Variants in PTPRN2 observed in about 807,000 individuals in gnomAD.
PTPRN2 encodes protein tyrosine phosphatase receptor type N2, also known as receptor-type tyrosine-protein phosphatase N2.
Under a neutral mutation model 118.8 loss-of-function variants are expected in PTPRN2, and 74 were observed. The observed-to-expected ratio is 0.62, with a 90% confidence interval of 0.52 to 0.76. The LOEUF is 0.76. Among genes scored for constraint, PTPRN2 ranks in the 30% least tolerant of loss-of-function variants. The probability of loss-of-function intolerance (pLI) is 0.00; values close to 1 mark genes in which losing one functional copy is unlikely to be tolerated. For synonymous variants in PTPRN2, 641 were observed against 608.0 expected (o/e 1.05, Z -0.80); for missense variants, 1,481 against 1,394.4 (o/e 1.06, Z -0.99).
chr7:158,470,257 G>T (rs1819757440), intron 2 of PTPRN2, among the ~76,000 whole-genome samples: 1 of 152,212 alleles, frequency 6.6e-6, no homozygotes, highest in Non-Finnish European at 1.5e-5. Flanking sequence ...CCGACCAATA[G>T]GATTTGACTG....
rs114695109 is a variant in PTPRN2, at chr7:158,275,321, G to A, written c.277+41498C>T. On this transcript the variant is annotated intron_variant, in intron 3 of 22. Transcript: ENST00000389418. ...CAGGGCTGTCTCCATGGGAAGGCGC[G>A]CACCTCCTCACGCCTCTCCAGGGAA... 6.4e-3 allele frequency among the ~76,000 whole-genome samples: 982 copies of A among 152,284 alleles called. 12 individuals carry two copies. The highest frequency in any genetic ancestry group is 0.022 in the African/African-American group (919 of 41,552).
Position 157,690,266 on chromosome 7 carries a change from C to T in PTPRN2, c.1789-7329G>A, listed in dbSNP as rs1797408463. ...ACCCTAGACCCACTTGGGGATGATC[C>T]CAGGCGCAGCTCTCCCCTGCCGGCC... On this transcript the variant is annotated intron_variant, in intron 12 of 22. Coordinates refer to ENST00000389418, the MANE Select transcript of PTPRN2 (RefSeq NM_002847.5). This position sits in a 1 kb window ranked among gnomAD's most constrained non-coding sequence, Gnocchi z 7.1. Among the ~76,000 whole-genome samples, 1 of 152,196 alleles carries T rather than the reference C, an allele frequency of 6.6e-6. No homozygotes were observed. The highest frequency in any genetic ancestry group is 1.5e-5 in the Non-Finnish European group (1 of 68,020).
intron 2 of PTPRN2, among the ~76,000 whole-genome samples, chr7:158,362,440 A>G (rs1158230852): frequency 2.6e-5 from 4 of 152,236 alleles, no homozygotes; most frequent in Admixed American, 6.5e-5. Context: ...TGGCCTAATT[A>G]AGGCAATGTG....
chr7:157,556,549 C>T (rs549252619), intron 21 of PTPRN2, among the ~76,000 whole-genome samples: 2 of 150,960 alleles, frequency 1.3e-5, no homozygotes, highest in South Asian at 2.1e-4. Flanking sequence ...TCCACCCTCA[C>T]GTCATACATA....
At position 158,555,617 on chromosome 7, in the gene PTPRN2, C is replaced by CCT. The variant is rs1826925002; in HGVS notation, c.112+31940_112+31941insAG. Among the ~76,000 whole-genome samples the CCT allele has an allele frequency of 6.6e-6, 1 of 152,222 alleles. No homozygotes were observed. The highest frequency in any genetic ancestry group is 2.1e-4 in the South Asian group (1 of 4,822). ...TCCAGCTGTCCCCCAGACCCAGCCT[C>CCT]CCTCAGCTCCCATGGCAGGGTTAGG... On this transcript the variant is annotated intron_variant, in intron 1 of 22. Coordinates refer to ENST00000389418, the MANE Select transcript of PTPRN2 (RefSeq NM_002847.5). This position sits in a 1 kb window ranked among gnomAD's most constrained non-coding sequence, Gnocchi z 4.7.
Position 157,929,499 on chromosome 7 carries a change from C to T in PTPRN2, c.1724-30762G>A, listed in dbSNP as rs892726. 0.31 allele frequency among the ~76,000 whole-genome samples: 47,154 copies of T among 152,020 alleles called. 9,043 individuals carry two copies. Among genetic ancestry groups the T allele is most frequent in the African/African-American group, 0.52 (21,538 of 41,456 alleles). ...TCAGACGCCCACCCAGCACAGCCTC[C>T]GCCGCAGCCTGGCAGCCCAACAGAG... On this transcript the variant is annotated intron_variant, in intron 11 of 22. Coordinates refer to ENST00000389418, the MANE Select transcript of PTPRN2 (RefSeq NM_002847.5). The surrounding 1 kb of genome is among the most constrained non-coding windows in gnomAD (Gnocchi z 4.4).
At chr7:157,949,439 AGAACAT>A (rs1800680292) in intron 11 of PTPRN2, among the ~76,000 whole-genome samples, 1 of 152,222 alleles carries the variant, frequency 6.6e-6, no homozygotes, top group African/African-American at 2.4e-5. Context: ...AAAATTGTTG[AGAACAT>A]GGACAGGAGT....
At chr7:158,043,827 C>G (rs10226785) in intron 11 of PTPRN2, among the ~76,000 whole-genome samples, 1 of 152,032 alleles carries the variant, frequency 6.6e-6, no homozygotes, top group African/African-American at 2.4e-5. Context: ...CACAGTGTGG[C>G]GAGAGGGGAG....
intron 2 of PTPRN2, among the ~76,000 whole-genome samples, chr7:158,450,440 C>T (rs1818020678): frequency 6.6e-6 from 1 of 152,194 alleles, no homozygotes. Flanking sequence ...TAGAGAAATG[C>T]GCACAAAAAC....
chr7:158,055,518 G>C (rs138354072), intron 11 of PTPRN2, among the ~76,000 whole-genome samples: 203 of 152,326 alleles, frequency 1.3e-3, no homozygotes, highest in African/African-American at 4.7e-3. Flanking sequence ...CCGTCTCCCT[G>C]TGATGCTGTG....
chr7:157,905,355 C>T (rs929563319), intron 11 of PTPRN2, among the ~76,000 whole-genome samples: 15 of 152,208 alleles, frequency 9.9e-5, no homozygotes, highest in African/African-American at 3.1e-4. Flanking sequence ...AAGCTCTGGG[C>T]CTCCCAAGTC....
intron 10 of PTPRN2, among the ~76,000 whole-genome samples, chr7:158,098,631 G>A (rs1027727605): frequency 1.3e-5 from 2 of 152,186 alleles, no homozygotes; most frequent in Non-Finnish European, 2.9e-5. Context: ...TCCCTCGCCC[G>A]CCCCGGCCTG....
chr7:157,989,170 C>T (rs1804048137), intron 11 of PTPRN2, among the ~76,000 whole-genome samples: 1 of 152,222 alleles, frequency 6.6e-6, no homozygotes, highest in Admixed American at 6.5e-5. Context: ...GTAATCCCAG[C>T]ACTTTGGGAG....
intron 1 of PTPRN2, among the ~76,000 whole-genome samples, chr7:158,522,849 C>T (rs1038705783): frequency 2.0e-5 from 3 of 152,180 alleles, no homozygotes; most frequent in African/African-American, 7.2e-5. Context: ...GTCTTCATTT[C>T]CACACACTTG....
chr7:158,279,556 G>A (rs1245567736), intron 3 of PTPRN2, among the ~76,000 whole-genome samples: 3 of 152,232 alleles, frequency 2.0e-5, no homozygotes, highest in Non-Finnish European at 4.4e-5. Flanking sequence ...ACCCAGGGAA[G>A]AGGGAATGGC....
intron 2 of PTPRN2, among the ~76,000 whole-genome samples, chr7:158,481,098 C>T (rs1820611688): frequency 6.6e-6 from 1 of 152,248 alleles, no homozygotes; most frequent in African/African-American, 2.4e-5. Context: ...TTCAAAGCTT[C>T]AAAGCACAGG....
Position 157,844,316 on chromosome 7 carries a change from C to T in PTPRN2, c.1788+54357G>A, listed in dbSNP as rs564811525. Among the ~76,000 whole-genome samples, 7 of 152,320 alleles carry T rather than the reference C, an allele frequency of 4.6e-5. No homozygotes were observed. In the South Asian group the frequency reaches 1.0e-3, roughly 23 times the overall value. Reference sequence around the variant, plus strand: ...TACATTCCCACTTCTCTGTAGAAGCCGTCCAGGCCCCAGCCCCATCCCCAG... The same window carrying T: ...TACATTCCCACTTCTCTGTAGAAGCTGTCCAGGCCCCAGCCCCATCCCCAG... On this transcript the variant is annotated intron_variant, in intron 12 of 22. Coordinates refer to ENST00000389418, the MANE Select transcript of PTPRN2 (RefSeq NM_002847.5).
chr7:157,656,262 C>G (rs887024937), intron 14 of PTPRN2, 95 bp downstream of exon 14: 1 of 1,322,496 alleles, frequency 7.6e-7, no homozygotes, highest in Non-Finnish European at 1.0e-6. Flanking sequence ...CGCCCAGTCC[C>G]CGAGGGTCAG....
chr7:158,537,966 G>A (rs1193034541), intron 1 of PTPRN2, among the ~76,000 whole-genome samples: 1 of 152,202 alleles, frequency 6.6e-6, no homozygotes, highest in East Asian at 1.9e-4. Flanking sequence ...ATTTTAAAAT[G>A]CTGAAAAGCC....
Sources: allele counts gnomAD v4.1 joint callset (sites outside exome capture counted in the v4.1 genomes callset), GRCh38; gene constraint gnomAD v4.1.1; non-coding constraint Gnocchi (gnomAD v3.1); transcripts MANE v1.5; gene names NCBI Gene and HGNC (gene_info 2026-07-23, HGNC 2026-07-21).